Variants in PRICKLE2 observed in about 807,000 individuals in gnomAD.
The protein encoded by PRICKLE2 is prickle planar cell polarity protein 2.
A neutral mutation model predicts 81.4 loss-of-function variants in PRICKLE2; 21 were observed. That is an observed-to-expected ratio of 0.26 (90% CI 0.18 to 0.37). The LOEUF is 0.37. PRICKLE2 is among the 10% of genes least tolerant of loss of function. PRICKLE2 has a pLI of 1.00. For synonymous variants in PRICKLE2, 456 were observed against 421.5 expected (o/e 1.08, Z -1.00); for missense variants, 940 against 1,109.0 (o/e 0.85, Z 2.16).
chr3:64,114,206 A>T (rs531687550), intron 7 of PRICKLE2, among the ~76,000 whole-genome samples: 1 of 152,290 alleles, frequency 6.6e-6, no homozygotes, highest in East Asian at 1.9e-4. Flanking sequence ...AAGAAAAAAA[A>T]AAAAACCATG....
At chr3:64,172,975 C>A (rs1410931885) in intron 2 of PRICKLE2, among the ~76,000 whole-genome samples, 1 of 152,152 alleles carries the variant, frequency 6.6e-6, no homozygotes, top group Non-Finnish European at 1.5e-5. Flanking sequence ...AAATAAATTT[C>A]TGTTGTTTAA....
chr3:64,173,203 C>A (rs1018152675), intron 2 of PRICKLE2, among the ~76,000 whole-genome samples: 1 of 152,068 alleles, frequency 6.6e-6, no homozygotes, highest in South Asian at 2.1e-4. Context: ...TACAAAGATT[C>A]AATAAAAAAT....
chr3:64,255,748 A>C (rs879079816), intron 2 of PRICKLE2, among the ~76,000 whole-genome samples: 1 of 152,212 alleles, frequency 6.6e-6, no homozygotes, highest in Non-Finnish European at 1.5e-5. Flanking sequence ...AACTTGAGTA[A>C]ACAACCGCAT....
chr3:64,157,099 T>C, intron 5 of PRICKLE2, 63 bp downstream of exon 5: 5 of 1,451,698 alleles, frequency 3.4e-6, no homozygotes, highest in Admixed American at 1.7e-5. Context: ...CAGAAGACCA[T>C]GTGTTGGCTA....
intron 7 of PRICKLE2, among the ~76,000 whole-genome samples, chr3:64,122,619 C>A (rs1455466525): frequency 6.6e-6 from 1 of 152,192 alleles, no homozygotes; most frequent in African/African-American, 2.4e-5. Context: ...CTCTGAAAAA[C>A]TGCCTGTTAG....
At position 64,177,125 on chromosome 3, in the gene PRICKLE2, CTTTTTTTTT is replaced by C. The variant is rs10690677; in HGVS notation, c.145-14005_145-13997del. Among the ~76,000 whole-genome samples the C allele has an allele frequency of 7.1e-5, 5 of 70,854 alleles. No individual in the cohort carries two copies. The Admixed American group carries it at 1.1e-3, about 15-fold the overall frequency. 46.5% of individuals were successfully genotyped at this position (70,854 alleles called of 152,430 possible). On this transcript the variant is annotated intron_variant, in intron 2 of 7. Transcript: ENST00000638394. ...ACATTACAAGATTTGCCATTTTAAC[CTTTTTTTTT>C]TTTTTTTTTTTTTTTTTTGAGACAG...
chr3:64,099,193 G>A lies in PRICKLE2; in HGVS notation c.2393C>T (p.Pro798Leu), dbSNP rs371055489. Reference sequence around the variant, plus strand: ...GCTTGTGACGTATCGCAGGCGCGCTGGCTGGGGGATGGGTTCTCCTAGGAA... The same window carrying A: ...GCTTGTGACGTATCGCAGGCGCGCTAGCTGGGGGATGGGTTCTCCTAGGAA... ...GYFLGEPIPQ[P>L]ARLRYVTSDE... is the part of the protein sequence containing the mutation. The change falls in exon 8 of 8, where the codon CCA (proline) becomes CTA (leucine). Residue 798 changes from proline (P) to leucine (L), a missense_variant. Pro to Leu is a moderately conservative substitution (Grantham distance 98, BLOSUM62 -3). Coordinates refer to ENST00000638394, the MANE Select transcript of PRICKLE2 (RefSeq NM_198859.4). This position sits in a 1 kb window ranked among gnomAD's most constrained non-coding sequence, Gnocchi z 4.3. 6 of 1,614,100 alleles carry A rather than the reference G, an allele frequency of 3.7e-6. No individual in the cohort carries two copies. The highest frequency in any genetic ancestry group is 5.1e-6 in the Non-Finnish European group (6 of 1,180,052).
Position 64,198,920 on chromosome 3 carries a change from G to C in PRICKLE2, c.8C>G (p.Thr3Arg). 6.2e-7 allele frequency: 1 copy of C among 1,614,148 alleles called. No individual in the cohort carries two copies. Among genetic ancestry groups the C allele is most frequent in the Non-Finnish European group, 8.5e-7 (1 of 1,180,032 alleles). The change falls in exon 2 of 8, where the codon ACA becomes AGA. Residue 3 changes from threonine (T) to arginine (R), a missense_variant. Physicochemically the swap from Thr to Arg is moderately conservative, Grantham distance 71 (BLOSUM62 -1). Coordinates refer to ENST00000638394, the MANE Select transcript of PRICKLE2 (RefSeq NM_198859.4). ...CTTCTCCATCTCCAGCGGCATCACT[G>C]TCACCATGTGCTCCTCCTGGGGACA... MVTVMPLEMEKTI... is the reference protein window; with the variant it reads MVRVMPLEMEKTI...
At chr3:64,128,194 C>A (rs1158111979) in intron 7 of PRICKLE2, among the ~76,000 whole-genome samples, 1 of 152,054 alleles carries the variant, frequency 6.6e-6, no homozygotes, top group Non-Finnish European at 1.5e-5. Flanking sequence ...GTGCCCACAG[C>A]GGATTCAGAG....
rs575247357 is a variant in PRICKLE2 at position 64,097,488 on chromosome 3, G to A, written c.*1563C>T. 5.2e-5 allele frequency: 8 copies of A among 152,746 alleles called. No homozygotes were observed. The South Asian group carries it at 1.5e-3, about 28-fold the overall frequency. The allele number at this position is 152,746 out of a possible 1,614,324, so 9.5% of individuals were successfully genotyped here. A position where few individuals can be genotyped will look rare whatever the true frequency, so the allele number is the denominator to read the frequency against. On this transcript the variant is annotated 3_prime_UTR_variant, in exon 8 of 8. Transcript: ENST00000638394. ...AACTGCCACAATCCATTAAGGGGAGGAGGAGGATGGAAGAAACCAAGTGCT... is the reference window on the plus strand; with the variant it reads ...AACTGCCACAATCCATTAAGGGGAGAAGGAGGATGGAAGAAACCAAGTGCT...
intron 7 of PRICKLE2, among the ~76,000 whole-genome samples, chr3:64,118,868 A>C (rs62249905): frequency 6.7e-4 from 2 of 3,000 alleles, no homozygotes; most frequent in African/African-American, 3.3e-3. Context: ...CAGCAAATAA[A>C]TATTATATCC....
chr3:64,188,907 A>G (rs377392132), intron 2 of PRICKLE2, among the ~76,000 whole-genome samples: 2 of 152,170 alleles, frequency 1.3e-5, no homozygotes, highest in Non-Finnish European at 1.5e-5. Context: ...GCTCCAGATC[A>G]TATCACCCTT....
At chr3:64,207,867 C>A (rs920711632) in intron 1 of PRICKLE2, among the ~76,000 whole-genome samples, 5 of 152,152 alleles carry the variant, frequency 3.3e-5, no homozygotes, top group African/African-American at 1.2e-4. Context: ...AGTCATATAA[C>A]CTCCAATGCT....
intron 7 of PRICKLE2, among the ~76,000 whole-genome samples, chr3:64,109,241 C>T (rs187216800): frequency 6.6e-6 from 1 of 152,112 alleles, no homozygotes; most frequent in African/African-American, 2.4e-5. Flanking sequence ...CTGGGGAACT[C>T]TAAAAGTTAT....
chr3:64,108,147 A>T (rs1392468274), intron 7 of PRICKLE2, among the ~76,000 whole-genome samples: 3 of 152,172 alleles, frequency 2.0e-5, no homozygotes, highest in Non-Finnish European at 4.4e-5. Context: ...GTTGTGACAG[A>T]CTGTATGACC....
At chr3:64,181,366 C>A (rs934806481) in intron 2 of PRICKLE2, among the ~76,000 whole-genome samples, 1 of 152,096 alleles carries the variant, frequency 6.6e-6, no homozygotes, top group Non-Finnish European at 1.5e-5. Context: ...CCTGACAGTC[C>A]CAACATCCAG....
At chr3:64,159,422 C>G (rs2077694708) in intron 4 of PRICKLE2, among the ~76,000 whole-genome samples, 1 of 152,220 alleles carries the variant, frequency 6.6e-6, no homozygotes, top group African/African-American at 2.4e-5. Context: ...TTGCTCTGCT[C>G]AATTCTTCCA....
rs1420835700 is a variant in PRICKLE2 at position 64,198,798 on chromosome 3, G to A, written c.130C>T (p.Leu44=). Residue 44 remains leucine (L), a synonymous_variant, in exon 2 of 8, where the codon CTG becomes TTG. Coordinates refer to ENST00000638394, the MANE Select transcript of PRICKLE2 (RefSeq NM_198859.4). ...LEEYAWVPPG[L]KPEQVHQYYS... is the part of the protein sequence containing the mutation. ...CAGAATGGTACCTGTTCAGGCTTCA[G>A]ACCCGGCGGGACCCAGGCATACTCT... is the stretch of plus-strand genomic sequence containing the variant. 6.2e-7 allele frequency: 1 copy of A among 1,613,996 alleles called. No homozygotes were observed. The highest frequency in any genetic ancestry group is 8.5e-7 in the Non-Finnish European group (1 of 1,180,036).
At chr3:64,126,684 T>C (rs1277604084) in intron 7 of PRICKLE2, among the ~76,000 whole-genome samples, 1 of 152,150 alleles carries the variant, frequency 6.6e-6, no homozygotes, top group Non-Finnish European at 1.5e-5. Flanking sequence ...TACAAGCTAT[T>C]CTCCTGCCTC....
Sources: allele counts gnomAD v4.1 joint callset (sites outside exome capture counted in the v4.1 genomes callset), GRCh38; gene constraint gnomAD v4.1.1; non-coding constraint Gnocchi (gnomAD v3.1); transcripts MANE v1.5; gene names NCBI Gene and HGNC (gene_info 2026-07-23, HGNC 2026-07-21).